Variants in ELL observed in about 807,000 individuals in gnomAD.
ELL encodes the protein elongation factor for RNA polymerase II.
In ELL, 18 loss-of-function variants were observed where a neutral mutation model predicts 64.0. The ratio of observed to expected loss-of-function variants is 0.28; its 90% CI spans 0.19 to 0.42. The LOEUF is 0.42. Among genes scored for constraint, ELL ranks in the 10% least tolerant of loss-of-function variants. The probability of loss-of-function intolerance (pLI) is 1.00; values close to 1 mark genes in which losing one functional copy is unlikely to be tolerated. For missense variants in ELL, 797 were observed against 870.4 expected, an observed-to-expected ratio of 0.92 and a Z score of 1.06; for synonymous variants, 399 against 376.2, an observed-to-expected ratio of 1.06 and a Z score of -0.70.
intron 1 of ELL, among the ~76,000 whole-genome samples, chr19:18,477,329 G>A (rs1022878007): frequency 7.9e-5 from 12 of 152,188 alleles, no homozygotes; most frequent in Non-Finnish European, 1.5e-5. Flanking sequence ...AAGCCTACAG[G>A]AAACGAACAC....
chr19:18,446,336 C>A lies in ELL; in HGVS notation c.1677G>T (p.Gln559His). 1 of 1,597,392 alleles carries A rather than the reference C, an allele frequency of 6.3e-7. No homozygotes were observed. The highest frequency in any genetic ancestry group is 1.1e-5 in the South Asian group (1 of 88,684). The change falls in exon 10 of 12, where the codon CAG becomes CAT. Residue 559 changes from glutamine (Q) to histidine (H), a missense_variant. Transcript: ENST00000262809. ...RFTQLDAQLR[Q>H]LSQGSEEYET... ...CATACTCCTCGGAGCCCTGGGAGAG[C>A]TGCCGGAGCTGGGCGTCGAGCTGGG...
intron 1 of ELL, among the ~76,000 whole-genome samples, chr19:18,508,804 A>G (rs774574368): frequency 6.6e-6 from 1 of 152,254 alleles, no homozygotes; most frequent in African/African-American, 2.4e-5. Context: ...CTGTGTCCCT[A>G]TAAAACTTTA....
At chr19:18,484,285 G>C (rs917954347) in intron 1 of ELL, among the ~76,000 whole-genome samples, 3 of 152,156 alleles carry the variant, frequency 2.0e-5, no homozygotes, top group African/African-American at 7.2e-5. Context: ...CCAACGTGGT[G>C]AAACCCCCAT....
chr19:18,500,135 G>A (rs1353322751), intron 1 of ELL, among the ~76,000 whole-genome samples: 1 of 152,082 alleles, frequency 6.6e-6, no homozygotes, highest in Non-Finnish European at 1.5e-5. Flanking sequence ...GGTGGCGGGT[G>A]CCTGTAACCC....
chr19:18,444,972 C>T, intron 11 of ELL, 104 bp from the exon 12 acceptor site: 2 of 1,302,638 alleles, frequency 1.5e-6, no homozygotes, highest in Non-Finnish European at 2.1e-6. Context: ...GGGCTTGGTG[C>T]CCAGCAAGGA....
intron 1 of ELL, among the ~76,000 whole-genome samples, chr19:18,494,417 G>A (rs940374351): frequency 1.1e-4 from 16 of 150,870 alleles, no homozygotes; most frequent in Non-Finnish European, 1.9e-4. Flanking sequence ...TTTTTGAGAC[G>A]GAGTCTTGCT....
chr19:18,492,572 T>C (rs1220083870), intron 1 of ELL, among the ~76,000 whole-genome samples: 1 of 152,224 alleles, frequency 6.6e-6, no homozygotes, highest in Non-Finnish European at 1.5e-5. Flanking sequence ...CTCAATCTCA[T>C]TATTAATGTG....
At chr19:18,476,520 G>T (rs1975180435) in intron 1 of ELL, among the ~76,000 whole-genome samples, 1 of 151,012 alleles carries the variant, frequency 6.6e-6, no homozygotes, top group Admixed American at 6.6e-5. Flanking sequence ...GCCATCCAGT[G>T]AGGCATTTAA....
chr19:18,520,111 G>T (rs1261907720), intron 1 of ELL, among the ~76,000 whole-genome samples: 1 of 152,206 alleles, frequency 6.6e-6, no homozygotes, highest in Non-Finnish European at 1.5e-5. Context: ...AAAAATAGCA[G>T]TGTGACAGCA....
chr19:18,488,491 G>A (rs1483754686), intron 1 of ELL, among the ~76,000 whole-genome samples: 1 of 152,216 alleles, frequency 6.6e-6, no homozygotes, highest in Non-Finnish European at 1.5e-5. Context: ...AGAGTACCCA[G>A]GAGGCCCTGG....
chr19:18,511,996 A>G (rs113524879), intron 1 of ELL, among the ~76,000 whole-genome samples: 4,038 of 152,062 alleles, frequency 0.027, 114 homozygotes, highest in African/African-American at 0.074. Context: ...CTCTACTAAA[A>G]ATACAAAAAT....
chr19:18,487,428 C>T (rs975589666), intron 1 of ELL, among the ~76,000 whole-genome samples: 1 of 152,212 alleles, frequency 6.6e-6, no homozygotes, highest in Non-Finnish European at 1.5e-5. Flanking sequence ...CCATAAACCA[C>T]CTTGAGTGCT....
chr19:18,470,895 C>T, intron 2 of ELL: 3 of 454,314 alleles, frequency 6.6e-6, no homozygotes, highest in South Asian at 4.7e-5. Flanking sequence ...GAGCCCACTG[C>T]TTGCAATGCA....
intron 1 of ELL, among the ~76,000 whole-genome samples, chr19:18,513,266 A>T (rs1976065507): frequency 6.6e-6 from 1 of 152,200 alleles, no homozygotes; most frequent in Non-Finnish European, 1.5e-5. Context: ...ATGTAGCCTC[A>T]CTACGGGACA....
intron 1 of ELL, among the ~76,000 whole-genome samples, chr19:18,484,884 T>G (rs1340318190): frequency 6.6e-6 from 1 of 152,184 alleles, no homozygotes; most frequent in African/African-American, 2.4e-5. Context: ...TGGTCTGCGG[T>G]GCCAGATAAC....
At chr19:18,484,117 C>A (rs528030993) in intron 1 of ELL, among the ~76,000 whole-genome samples, 25 of 152,356 alleles carry the variant, frequency 1.6e-4, no homozygotes, top group African/African-American at 5.1e-4. Context: ...GCGCACTCTG[C>A]AGTGTCTGAA....
At position 18,465,926 on chromosome 19, in the gene ELL, G is replaced by A. The variant is rs1419892528; in HGVS notation, c.184-8C>T. 3 of 1,299,220 alleles carry A rather than the reference G, an allele frequency of 2.3e-6. No individual in the cohort carries two copies. The highest frequency in any genetic ancestry group is 3.0e-5 in the African/African-American group (2 of 66,290). The allele number at this position is 1,299,220 out of a possible 1,614,324, so 80.5% of individuals were successfully genotyped here. ...CTGGGGGATGGAGATGTGCTGCGTG[G>A]AGGGGGAGGGGGTGTCACTGGGAGG... On this transcript the variant is annotated splice_region_variant and splice_polypyrimidine_tract_variant and intron_variant, in intron 2 of 11. Coordinates refer to ENST00000262809, the MANE Select transcript of ELL (RefSeq NM_006532.4).
rs1832366820 is a variant in ELL, at chr19:18,443,002, A to T, written c.*1750T>A. 3 of 229,760 alleles carry T rather than the reference A, an allele frequency of 1.3e-5. No individual in the cohort carries two copies. The highest frequency in any genetic ancestry group is 2.2e-5 in the African/African-American group (1 of 45,092). 14.2% of individuals were successfully genotyped at this position (229,760 alleles called of 1,614,324 possible). A position where few individuals can be genotyped will look rare whatever the true frequency, so the allele number is the denominator to read the frequency against. On this transcript the variant is annotated 3_prime_UTR_variant, in exon 12 of 12. Transcript: ENST00000262809. ...AAAGGAGAACAAATAAACAACAAAA[A>T]CAACAACAACAACAAAAAGGCAAAT...
At position 18,444,647 on chromosome 19, in the gene ELL, T is replaced by A; in HGVS notation, c.*105A>T. On this transcript the variant is annotated 3_prime_UTR_variant, in exon 12 of 12. Coordinates refer to ENST00000262809, the MANE Select transcript of ELL (RefSeq NM_006532.4). ...GGGCTGCCCTGAAAGCCGGCGGTGCTGGCTCAGATGAGCATCTTCCTCGGG... is the reference window on the plus strand; with the variant it reads ...GGGCTGCCCTGAAAGCCGGCGGTGCAGGCTCAGATGAGCATCTTCCTCGGG... 3 of 1,278,730 alleles carry A rather than the reference T, an allele frequency of 2.3e-6. No individual in the cohort carries two copies. The highest frequency in any genetic ancestry group is 3.2e-6 in the Non-Finnish European group (3 of 932,736). The allele number at this position is 1,278,730 out of a possible 1,614,324, so 79.2% of individuals were successfully genotyped here.
Sources: allele counts gnomAD v4.1 joint callset (sites outside exome capture counted in the v4.1 genomes callset), GRCh38; gene constraint gnomAD v4.1.1; transcripts MANE v1.5; gene names NCBI Gene and HGNC (gene_info 2026-07-23, HGNC 2026-07-21).